The following XRCC4 variants were observed in gnomAD, a reference collection of about 807,000 sequenced individuals.
XRCC4 encodes the protein DNA repair protein XRCC4.
A neutral mutation model predicts 39.1 loss-of-function variants in XRCC4; 28 were observed. The ratio of observed to expected loss-of-function variants is 0.72; its 90% CI spans 0.53 to 0.98. XRCC4 has a LOEUF of 0.98. Ranked by LOEUF, XRCC4 falls within the 50% of genes least tolerant of loss-of-function variation. XRCC4 has a pLI of 0.00. For synonymous variants in XRCC4, 123 were observed against 126.4 expected, an observed-to-expected ratio of 0.97 and a Z score of 0.18; for missense variants, 350 against 376.4, an observed-to-expected ratio of 0.93 and a Z score of 0.58.
Position 83,137,720 on chromosome 5 carries a change from G to T in XRCC4, c.315+26517G>T, listed in dbSNP as rs6871117. ...ATAGTACTAGTACTGGCCTTAGGAGGTGGTTGTAAGGATTTAATTAATTAG... is the reference window on the plus strand; with the variant it reads ...ATAGTACTAGTACTGGCCTTAGGAGTTGGTTGTAAGGATTTAATTAATTAG... On this transcript the variant is annotated intron_variant, in intron 3 of 7. Coordinates refer to ENST00000396027, the MANE Select transcript of XRCC4 (RefSeq NM_003401.5). 3.5e-3 allele frequency among the ~76,000 whole-genome samples: 533 copies of T among 152,200 alleles called. 2 individuals carry two copies. The highest frequency in any genetic ancestry group is 0.012 in the African/African-American group (512 of 41,528).
At chr5:83,092,454 C>T (rs550150875) in intron 1 of XRCC4, among the ~76,000 whole-genome samples, 2 of 151,874 alleles carry the variant, frequency 1.3e-5, no homozygotes, top group African/African-American at 2.4e-5. Context: ...TATGAAAGCA[C>T]AGAACCTAGT....
At chr5:83,264,907 C>T (rs1485353526) in intron 7 of XRCC4, among the ~76,000 whole-genome samples, 3 of 152,022 alleles carry the variant, frequency 2.0e-5, no homozygotes, top group African/African-American at 7.2e-5. Flanking sequence ...TATGTTTTGC[C>T]AGAATTTCTC....
chr5:83,349,872 G>A lies in XRCC4; in HGVS notation c.894-3259G>A, dbSNP rs1757028526. Among the ~76,000 whole-genome samples the A allele has an allele frequency of 2.0e-5, 3 of 152,216 alleles. No individual in the cohort carries two copies. The South Asian group carries it at 6.2e-4, about 32-fold the overall frequency. On this transcript the variant is annotated intron_variant, in intron 7 of 7. Transcript: ENST00000396027. ...AGGGATCTCATCACCCAAGTATTGA[G>A]CATAGTACCCAATAGGTAGTTTTTC...
rs113614465 is a variant in XRCC4, at chr5:83,147,794, C to CT, written c.315+36605dup. Among the ~76,000 whole-genome samples, 89 of 143,362 alleles carry CT rather than the reference C, an allele frequency of 6.2e-4. No individual in the cohort carries two copies. The East Asian group carries it at 8.2e-3, about 13-fold the overall frequency. 94.1% of individuals were successfully genotyped at this position (143,362 alleles called of 152,430 possible). ...TGCGCAATGTATATATATTTCTTTTCTTTTTTTTTTTTTTGACACACAGTT... is the reference window on the plus strand; with the variant it reads ...TGCGCAATGTATATATATTTCTTTTCTTTTTTTTTTTTTTTGACACACAGTT... On this transcript the variant is annotated intron_variant, in intron 3 of 7. Coordinates refer to ENST00000396027, the MANE Select transcript of XRCC4 (RefSeq NM_003401.5).
At chr5:83,117,762 G>C (rs1267313270) in intron 3 of XRCC4, among the ~76,000 whole-genome samples, 1 of 151,312 alleles carries the variant, frequency 6.6e-6, no homozygotes, top group Non-Finnish European at 1.5e-5. Context: ...TTTAAGTTCT[G>C]GGATACATGT....
At chr5:83,079,622 G>C (rs1744843006) in intron 1 of XRCC4, among the ~76,000 whole-genome samples, 1 of 152,070 alleles carries the variant, frequency 6.6e-6, no homozygotes, top group Non-Finnish European at 1.5e-5. Context: ...TCAACCTCCA[G>C]GGCAGAAGCG....
At chr5:83,091,442 C>T (rs1481959370) in intron 1 of XRCC4, among the ~76,000 whole-genome samples, 1 of 152,176 alleles carries the variant, frequency 6.6e-6, no homozygotes, top group Admixed American at 6.5e-5. Context: ...CCCACCAGGT[C>T]CTAGGTCAAC....
At chr5:83,296,433 T>C (rs761541409) in intron 7 of XRCC4, among the ~76,000 whole-genome samples, 13 of 152,170 alleles carry the variant, frequency 8.5e-5, no homozygotes, top group Admixed American at 2.0e-4. Flanking sequence ...CTATAAGAAA[T>C]AAGAATTTCT....
chr5:83,157,507 A>T (rs1417236096), intron 3 of XRCC4, among the ~76,000 whole-genome samples: 4 of 152,180 alleles, frequency 2.6e-5, no homozygotes, highest in Non-Finnish European at 4.4e-5. Context: ...TAAAAAAAAC[A>T]TGAAACAGGT....
At chr5:83,114,270 A>C (rs1054253531) in intron 3 of XRCC4, among the ~76,000 whole-genome samples, 1 of 152,150 alleles carries the variant, frequency 6.6e-6, no homozygotes, top group Non-Finnish European at 1.5e-5. Context: ...GGTGATTAAC[A>C]TTTGGCTCCT....
At chr5:83,257,939 C>G (rs1287093381) in intron 6 of XRCC4, among the ~76,000 whole-genome samples, 1 of 152,106 alleles carries the variant, frequency 6.6e-6, no homozygotes, top group Non-Finnish European at 1.5e-5. Flanking sequence ...AACACAAGAA[C>G]AGAAAACCAA....
At chr5:83,232,847 A>T (rs1752547657) in intron 6 of XRCC4, among the ~76,000 whole-genome samples, 1 of 152,130 alleles carries the variant, frequency 6.6e-6, no homozygotes, top group African/African-American at 2.4e-5. Context: ...ATCTCATTTC[A>T]TCTTGACCAC....
chr5:83,214,489 A>G lies in XRCC4; in HGVS notation c.745+9568A>G, dbSNP rs1580379555. Among the ~76,000 whole-genome samples the G allele has an allele frequency of 2.0e-5, 3 of 152,138 alleles. No homozygotes were observed. The South Asian group carries it at 6.2e-4, about 31-fold the overall frequency. On this transcript the variant is annotated intron_variant, in intron 6 of 7. Coordinates refer to ENST00000396027, the MANE Select transcript of XRCC4 (RefSeq NM_003401.5). ...ATAATCCCAGAAACTCATGATGCCA[A>G]GGAGTTTGAGGCCAGCCTGGGCAAC...
intron 3 of XRCC4, among the ~76,000 whole-genome samples, chr5:83,171,368 CTTG>C (rs1287771203): frequency 3.3e-5 from 5 of 152,042 alleles, no homozygotes; most frequent in African/African-American, 9.7e-5. Context: ...GAAGTCCTAC[CTTG>C]TTGTCCTTAT....
At chr5:83,364,437 T>C in the XRCC4 span, among the ~76,000 whole-genome samples, 1 of 151,506 alleles carries the variant, frequency 6.6e-6, no homozygotes, top group East Asian at 1.9e-4. Context: ...ATAAGAATAC[T>C]AAAAAAAAAT....
At chr5:83,079,155 AT>A (rs1424099635) in intron 1 of XRCC4, among the ~76,000 whole-genome samples, 1 of 152,262 alleles carries the variant, frequency 6.6e-6, no homozygotes, top group Non-Finnish European at 1.5e-5. Flanking sequence ...TGCTATATCT[AT>A]ATATTTTAAT....
intron 3 of XRCC4, among the ~76,000 whole-genome samples, chr5:83,131,766 A>G (rs1365086091): frequency 6.6e-6 from 1 of 151,484 alleles, no homozygotes; most frequent in Non-Finnish European, 1.5e-5. Context: ...TTTTGAGCCT[A>G]TGTGTGTCTC....
chr5:83,298,276 G>A (rs1580479433), intron 7 of XRCC4, among the ~76,000 whole-genome samples: 2 of 149,714 alleles, frequency 1.3e-5, no homozygotes, highest in Admixed American at 6.7e-5. Flanking sequence ...ATATATATAT[G>A]TATTTTTTTC....
chr5:83,159,187 T>C (rs1303830303), intron 3 of XRCC4, among the ~76,000 whole-genome samples: 11 of 152,192 alleles, frequency 7.2e-5, no homozygotes, highest in Non-Finnish European at 2.9e-5. Flanking sequence ...TTCCATCTTG[T>C]CATTATTTTA....
Sources: gnomAD v4.1 joint callset for allele counts (sites outside exome capture counted in the v4.1 genomes callset) on GRCh38, gnomAD v4.1.1 for gene constraint, MANE v1.5 for transcripts, NCBI Gene and HGNC (gene_info 2026-07-23, HGNC 2026-07-21) for gene names.